The following BRCA2 variants were observed in gnomAD, a reference collection of about 807,000 sequenced individuals.
BRCA2 encodes breast cancer type 2 susceptibility protein.
BRCA2 carries 203 observed loss-of-function variants against 276.7 expected under a neutral mutation model. The ratio of observed to expected loss-of-function variants is 0.73; its 90% CI spans 0.65 to 0.82. The LOEUF is 0.82. Ranked by LOEUF, BRCA2 falls within the 40% of genes least tolerant of loss-of-function variation. The probability of loss-of-function intolerance (pLI) is 0.00; values close to 1 mark genes in which losing one functional copy is unlikely to be tolerated. For missense variants in BRCA2, 3,920 were observed against 3,915.0 expected, an observed-to-expected ratio of 1.00 and a Z score of -0.03; for synonymous variants, 1,289 against 1,338.4, an observed-to-expected ratio of 0.96 and a Z score of 0.81.
rs397507401 is a variant in BRCA2, at chr13:32,363,502, C to T, written c.8300C>T (p.Pro2767Leu). The change falls in exon 18 of 27, where the codon CCT (proline) becomes CTT (leucine). Residue 2767 changes from proline (P) to leucine (L), a missense_variant. Transcript: ENST00000380152. The part of the protein sequence containing the change: ...ELVGSPDACT[P>L]LEAPESLMLK... ...GTGGGCTCTCCTGATGCCTGTACAC[C>T]TCTTGAAGCCCCAGAATCTCTTATG... 1 of 1,613,954 alleles carries T rather than the reference C, an allele frequency of 6.2e-7. No individual in the cohort carries two copies. The highest frequency in any genetic ancestry group is 1.1e-5 in the South Asian group (1 of 91,036).
chr13:32,375,463 G>A (rs2072864664), intron 20 of BRCA2: 2 of 399,860 alleles, frequency 5.0e-6, no homozygotes, highest in South Asian at 4.0e-5. Context: ...GTTCTTAATG[G>A]TATTTAGAAT....
intron 7 of BRCA2, among the ~76,000 whole-genome samples, chr13:32,328,551 A>G: frequency 6.6e-6 from 1 of 152,150 alleles, no homozygotes; most frequent in East Asian, 1.9e-4. Flanking sequence ...CTCAAATTGC[A>G]GATTATGACC....
intron 2 of BRCA2, 95 bp from the exon 3 acceptor site, chr13:32,318,982 C>G (rs2072283027): frequency 6.7e-7 from 1 of 1,497,596 alleles, no homozygotes; most frequent in East Asian, 2.3e-5. Context: ...TAGTCAAGAT[C>G]TTAAGCATTT....
chr13:32,326,639 A>G, intron 7 of BRCA2, 26 bp downstream of exon 7: 1 of 1,515,254 alleles, frequency 6.6e-7, no homozygotes, highest in Non-Finnish European at 9.1e-7. Context: ...GTGTATTTAC[A>G]AGAAAGAGCA....
At chr13:32,392,807 AT>A (rs2073006403) in intron 24 of BRCA2, among the ~76,000 whole-genome samples, 1 of 152,002 alleles carries the variant, frequency 6.6e-6, no homozygotes, top group South Asian at 2.1e-4. Context: ...AGTTTAAGGT[AT>A]TTTACCCTGT....
At chr13:32,393,369 C>T (rs1306283272) in intron 24 of BRCA2, among the ~76,000 whole-genome samples, 1 of 152,140 alleles carries the variant, frequency 6.6e-6, no homozygotes, top group East Asian at 1.9e-4. Context: ...GCCCTTTCCA[C>T]CAATGTATTT....
chr13:32,320,145 A>G (rs1478257052), intron 3 of BRCA2, among the ~76,000 whole-genome samples: 2 of 152,206 alleles, frequency 1.3e-5, no homozygotes, highest in African/African-American at 4.8e-5. Context: ...TTGTGTCTGA[A>G]AGGGACCAAT....
chr13:32,330,810 T>C (rs573815625), intron 8 of BRCA2, 109 bp from the exon 9 acceptor site: 2 of 706,942 alleles, frequency 2.8e-6, no homozygotes, highest in East Asian at 2.7e-5. Context: ...CCTAGGTTGA[T>C]TGCAGATAAC....
intron 24 of BRCA2, among the ~76,000 whole-genome samples, chr13:32,387,563 A>G (rs1268258735): frequency 6.6e-6 from 1 of 152,138 alleles, no homozygotes; most frequent in Non-Finnish European, 1.5e-5. Flanking sequence ...ACTCTGCTCC[A>G]CCAGCTTCTT....
chr13:32,373,662 G>C (rs1246746931), intron 20 of BRCA2, among the ~76,000 whole-genome samples: 1 of 152,202 alleles, frequency 6.6e-6, no homozygotes, highest in African/African-American at 2.4e-5. Context: ...GCCTTGGGCA[G>C]CTCTGCCCTT....
rs786203000 is a variant in BRCA2 at position 32,398,162 on chromosome 13, A to C, written c.9649A>C (p.Met3217Leu). Residue 3217 changes from methionine to leucine, a missense_variant and splice_region_variant, in exon 27 of 27, where the codon ATG (methionine) becomes CTG (leucine). This residue lies in a region of BRCA2 where 657 missense variants were observed against 758.2 expected (regional missense o/e 0.87). Coordinates refer to ENST00000380152, the MANE Select transcript of BRCA2 (RefSeq NM_000059.4). ...IIPGTGNKLLMSSPNCEIYYQ... is the reference protein window; with the variant it reads ...IIPGTGNKLLLSSPNCEIYYQ... ...GGCTACGTTTTCATTTTTTTATCAG[A>C]TGTCTTCTCCTAATTGTGAGATATA... is the stretch of plus-strand genomic sequence containing the variant. The C allele has an allele frequency of 5.6e-6, 9 of 1,606,312 alleles. No homozygotes were observed. The highest frequency in any genetic ancestry group is 6.8e-6 in the Non-Finnish European group (8 of 1,176,346).
intron 16 of BRCA2, 60 bp from the exon 17 acceptor site, chr13:32,362,463 G>A (rs578098881): frequency 5.7e-5 from 85 of 1,492,870 alleles, no homozygotes; most frequent in Non-Finnish European, 5.8e-5. Flanking sequence ...AGTTGTAGTT[G>A]TTGAATTCAG....
At position 32,344,166 on chromosome 13, in the gene BRCA2, GA is replaced by G. The variant is rs34225677; in HGVS notation, c.6842-375del. 0.48 allele frequency among the ~76,000 whole-genome samples: 65,555 copies of G among 137,310 alleles called. 15,162 individuals are homozygous for G. Among genetic ancestry groups the G allele is most frequent in the South Asian group, 0.58 (2,468 of 4,286 alleles). 90.1% of individuals were successfully genotyped at this position (137,310 alleles called of 152,430 possible). On this transcript the variant is annotated intron_variant, in intron 11 of 26. Transcript: ENST00000380152. ...TTCAGTTAATGGCTGCCCCCGTGCT[GA>G]AAAAAAAAAAAAAAAAGAGAGAAAA...
chr13:32,319,420 T>C, intron 3 of BRCA2, 95 bp downstream of exon 3: 3 of 1,284,720 alleles, frequency 2.3e-6, no homozygotes, highest in Non-Finnish European at 3.3e-6. Context: ...AATTGTGTCA[T>C]GCTGGGCAAA....
intron 15 of BRCA2, 137 bp downstream of exon 15, chr13:32,356,746 C>A: frequency 8.8e-7 from 1 of 1,136,688 alleles, no homozygotes; most frequent in Non-Finnish European, 1.3e-6. Flanking sequence ...ATCATATTTT[C>A]TAATTAGCCT....
intron 13 of BRCA2, among the ~76,000 whole-genome samples, chr13:32,354,472 A>T (rs1040428304): frequency 6.6e-6 from 1 of 152,168 alleles, no homozygotes; most frequent in Non-Finnish European, 1.5e-5. Flanking sequence ...GCGAGGTGGG[A>T]TAATTGAAAG....
chr13:32,370,112 A>G (rs888159430), intron 18 of BRCA2, among the ~76,000 whole-genome samples: 5 of 152,182 alleles, frequency 3.3e-5, no homozygotes, highest in Non-Finnish European at 5.9e-5. Flanking sequence ...TGTATTTTAA[A>G]CTATTATGTT....
At position 32,390,273 on chromosome 13, in the gene BRCA2, C is replaced by G. The variant is rs538659759; in HGVS notation, c.9257-4416C>G. Among the ~76,000 whole-genome samples the G allele has an allele frequency of 4.6e-5, 7 of 152,206 alleles. No homozygotes were observed. The South Asian group carries it at 1.5e-3, about 32-fold the overall frequency. On this transcript the variant is annotated intron_variant, in intron 24 of 26. Coordinates refer to ENST00000380152, the MANE Select transcript of BRCA2 (RefSeq NM_000059.4). ...AAACCATTCAACTTCCTGCCTTAAA[C>G]CACCACCATACACACGTCAGCTAAA...
intron 3 of BRCA2, among the ~76,000 whole-genome samples, chr13:32,320,068 A>G (rs2072296446): frequency 6.6e-6 from 1 of 152,220 alleles, no homozygotes; most frequent in South Asian, 2.1e-4. Flanking sequence ...GGCAGAGGGA[A>G]CAACATGAGG....
Sources: gnomAD v4.1 joint callset for allele counts (sites outside exome capture counted in the v4.1 genomes callset) on GRCh38, gnomAD v4.1.1 for gene constraint, gnomAD v4.1.1 regional missense constraint, MANE v1.5 for transcripts, NCBI Gene and HGNC (gene_info 2026-07-23, HGNC 2026-07-21) for gene names.